Variants in MSH6 observed in about 807,000 individuals in gnomAD.
MSH6 encodes the protein DNA mismatch repair protein Msh6.
A neutral mutation model predicts 119.1 loss-of-function variants in MSH6; 85 were observed. That is an observed-to-expected ratio of 0.71 (90% CI 0.60 to 0.85). MSH6 has a LOEUF of 0.85. MSH6 is among the 40% of genes least tolerant of loss of function. The pLI is 0.00. For synonymous variants in MSH6, 830 were observed against 586.9 expected, an observed-to-expected ratio of 1.41 and a Z score of -5.99; for missense variants, 2,163 against 1,655.3, an observed-to-expected ratio of 1.31 and a Z score of -5.32.
intron 1 of MSH6, among the ~76,000 whole-genome samples, chr2:47,788,922 GTTTTTTT>G (rs1558650240): frequency 5.1e-4 from 21 of 40,948 alleles, no homozygotes; most frequent in African/African-American, 1.8e-3. Context: ...TTTTTTTTTT[GTTTTTTT>G]TTTTTTTTTT....
At chr2:47,784,868 C>G (rs1375102596) in intron 1 of MSH6, 3 of 152,158 alleles carry the variant, frequency 2.0e-5, no homozygotes, top group South Asian at 2.1e-4. Context: ...GCTCTTTTGT[C>G]CAGGCTAGAG....
chr2:47,792,099 C>G (rs534399861), intron 2 of MSH6, among the ~76,000 whole-genome samples: 8 of 152,196 alleles, frequency 5.3e-5, no homozygotes, highest in African/African-American at 1.7e-4. Flanking sequence ...ACCCACCTCC[C>G]CCTACCAAAG....
chr2:47,795,422 ATGTGTGTGTG>A lies in MSH6; in HGVS notation c.458-454_458-445del, dbSNP rs10699372. 9.5e-4 allele frequency among the ~76,000 whole-genome samples: 135 copies of A among 141,728 alleles called. 1 individual carries two copies. The highest frequency in any genetic ancestry group is 3.3e-3 in the African/African-American group (125 of 37,630). The allele number at this position is 141,728 out of a possible 152,430, so 93.0% of individuals were successfully genotyped here. A position where few individuals can be genotyped will look rare whatever the true frequency, so the allele number is the denominator to read the frequency against. On this transcript the variant is annotated intron_variant, in intron 2 of 9. Transcript: ENST00000234420. Reference sequence around the variant, plus strand: ...AAGTGTCCAGCCAACAAGTTATTTTATGTGTGTGTGTGTGTGTGTGTGTGTGTATACATAT... The same window carrying A: ...AAGTGTCCAGCCAACAAGTTATTTTATGTGTGTGTGTGTGTGTATACATAT...
At chr2:47,786,446 T>G (rs1244564188) in intron 1 of MSH6, among the ~76,000 whole-genome samples, 1 of 152,020 alleles carries the variant, frequency 6.6e-6, no homozygotes, top group African/African-American at 2.4e-5. Flanking sequence ...GCGATTCTCC[T>G]GCCTCATCCT....
chr2:47,803,549 A>G lies in MSH6; in HGVS notation c.3302A>G (p.Lys1101Arg), dbSNP rs2104479022. 1 of 1,614,162 alleles carries G rather than the reference A, an allele frequency of 6.2e-7. No homozygotes were observed. The highest frequency in any genetic ancestry group is 8.5e-7 in the Non-Finnish European group (1 of 1,180,034). Residue 1101 changes from lysine to arginine, a missense_variant, in exon 5 of 10, where the codon AAG becomes AGG. By Grantham distance (26) the Lys-to-Arg change is conservative (BLOSUM62 2). Transcript: ENST00000234420. ...LKGSRHPCIT[K>R]TFFGDDFIPN... is the part of the protein sequence containing the mutation. ...GGATCACGCCATCCTTGCATTACGA[A>G]GACTTTTTTTGGAGATGATTTTATT...
rs1060504764 is a variant in MSH6 at position 47,803,451 on chromosome 2, A to G, written c.3204A>G (p.Arg1068=). 6.2e-7 allele frequency: 1 copy of G among 1,614,120 alleles called. No individual in the cohort carries two copies. Residue 1068 remains arginine (R), a synonymous_variant, in exon 5 of 10, where the codon CGA becomes CGG. Coordinates refer to ENST00000234420, the MANE Select transcript of MSH6 (RefSeq NM_000179.3). Reference sequence around the variant, plus strand: ...TACTGTGCCTGGCTAACTATAGTCGAGGGGGTGATGGTCCTATGTGTCGCC... The same window carrying G: ...TACTGTGCCTGGCTAACTATAGTCGGGGGGGTGATGGTCCTATGTGTCGCC... ...DVLLCLANYS[R]GGDGPMCRPV...
At chr2:47,796,172 A>G in intron 3 of MSH6, 109 bp downstream of exon 3, 1 of 1,086,102 alleles carries the variant, frequency 9.2e-7, no homozygotes. Flanking sequence ...GTGTATATGT[A>G]TTATTTTATT....
In MSH6 at chr2:47,799,636, C is replaced by G. The variant is rs1669357980; in HGVS notation, c.1653C>G (p.Gly551=). The stretch of plus-strand genomic sequence containing the variant: ...AAGAAAAAGAGGAAGATTCTTCTGG[C>G]CATACTCGTGCATATGGTGTGTGCT... ...SLKEKEEDSS[G]HTRAYGVCFV... is the part of the protein sequence containing the mutation. The change falls in exon 4 of 10, where the codon GGC becomes GGG. Residue 551 remains glycine, a synonymous_variant. Coordinates refer to ENST00000234420, the MANE Select transcript of MSH6 (RefSeq NM_000179.3). 1 of 1,614,062 alleles carries G rather than the reference C, an allele frequency of 6.2e-7. No individual in the cohort carries two copies. Among genetic ancestry groups the G allele is most frequent in the African/African-American group, 1.3e-5 (1 of 74,994 alleles).
chr2:47,808,476 A>G (rs755787488), downstream of MSH6: 1 of 1,469,008 alleles, frequency 6.8e-7, no homozygotes, highest in Non-Finnish European at 9.2e-7. Flanking sequence ...TCATTAATGC[A>G]AAACATTCCA....
intron 1 of MSH6, among the ~76,000 whole-genome samples, chr2:47,788,413 C>T (rs561213337): frequency 1.3e-5 from 2 of 150,798 alleles, no homozygotes; most frequent in South Asian, 4.2e-4. Context: ...CGCCACCATG[C>T]CCAGCTAATT....
At chr2:47,806,694 A>C (rs1156725099) in intron 9 of MSH6, 43 bp downstream of exon 9, 1 of 1,590,116 alleles carries the variant, frequency 6.3e-7, no homozygotes, top group Non-Finnish European at 8.6e-7. Flanking sequence ...ACTGACCTTA[A>C]GTTTCAAAGA....
At chr2:47,792,348 T>C (rs979780093) in intron 2 of MSH6, among the ~76,000 whole-genome samples, 14 of 152,158 alleles carry the variant, frequency 9.2e-5, no homozygotes, top group Admixed American at 6.6e-5. Flanking sequence ...TCACACTCTT[T>C]CGTCATAGTG....
downstream of MSH6, chr2:47,809,306 G>A (rs764743472): frequency 1.5e-6 from 2 of 1,321,350 alleles, no homozygotes; most frequent in Non-Finnish European, 2.1e-6. Flanking sequence ...TCAGAGGAAT[G>A]TTAATATTTT....
intron 5 of MSH6, 63 bp downstream of exon 5, chr2:47,803,748 A>G: frequency 6.3e-7 from 1 of 1,592,972 alleles, no homozygotes. Context: ...TAACATACTT[A>G]GGTGATCATT....
At chr2:47,801,357 T>C (rs112080209) in intron 4 of MSH6, 5 of 384,430 alleles carry the variant, frequency 1.3e-5, no homozygotes, top group African/African-American at 1.0e-4. Context: ...TTGGCCTTTC[T>C]TCAGTTTTTT....
At chr2:47,805,989 T>C (rs1255374346) in intron 7 of MSH6, among the ~76,000 whole-genome samples, 1 of 152,200 alleles carries the variant, frequency 6.6e-6, no homozygotes, top group Non-Finnish European at 1.5e-5. Context: ...AGGAAGTTTA[T>C]GACCTTGAGC....
rs762990595 is a variant in MSH6 at position 47,801,169 on chromosome 2, C to T, written c.3172+14C>T. On this transcript the variant is annotated intron_variant, in intron 4 of 9. Transcript: ENST00000234420. ...TCGCAGTGTTGGGTAAGACTTTGAACAAGCTTGTTCTCAGGCTTTGATAAG... is the reference window on the plus strand; with the variant it reads ...TCGCAGTGTTGGGTAAGACTTTGAATAAGCTTGTTCTCAGGCTTTGATAAG... The T allele has an allele frequency of 1.2e-5, 19 of 1,606,856 alleles. No individual in the cohort carries two copies. Among genetic ancestry groups the T allele is most frequent in the Middle Eastern group, 1.6e-4 (1 of 6,084 alleles).
At chr2:47,807,319 T>G, downstream of MSH6, 1 of 214,816 alleles carries the variant, frequency 4.7e-6, no homozygotes, top group Non-Finnish European at 9.4e-6. Flanking sequence ...TTCACAAAAC[T>G]GAGTTACAAG....
Position 47,798,604 on chromosome 2 carries a change from C to A in MSH6, c.628-7C>A, listed in dbSNP as rs373129248. 1.7e-4 allele frequency: 272 copies of A among 1,608,454 alleles called. No individual in the cohort carries two copies. Among genetic ancestry groups the A allele is most frequent in the Non-Finnish European group, 2.2e-4 (260 of 1,179,828 alleles). On this transcript the variant is annotated splice_region_variant and splice_polypyrimidine_tract_variant and intron_variant, in intron 3 of 9. Coordinates refer to ENST00000234420, the MANE Select transcript of MSH6 (RefSeq NM_000179.3). ...TTGTTTTTAAATACTCTTTCCTTGCCTGGCAGGTAGGCACAACTTACGTAA... is the reference window on the plus strand; with the variant it reads ...TTGTTTTTAAATACTCTTTCCTTGCATGGCAGGTAGGCACAACTTACGTAA...
Sources: gnomAD v4.1 joint callset for allele counts (sites outside exome capture counted in the v4.1 genomes callset) on GRCh38, gnomAD v4.1.1 for gene constraint, MANE v1.5 for transcripts, NCBI Gene and HGNC (gene_info 2026-07-23, HGNC 2026-07-21) for gene names.